The following TMEM245 variants were observed in gnomAD, a reference collection of about 807,000 sequenced individuals.
TMEM245 encodes transmembrane protein 245.
Under a neutral mutation model 101.2 loss-of-function variants are expected in TMEM245, and 69 were observed. The ratio of observed to expected loss-of-function variants is 0.68; its 90% CI spans 0.56 to 0.83. The LOEUF is 0.83. Among genes scored for constraint, TMEM245 ranks in the 40% least tolerant of loss-of-function variants. The pLI, the probability that TMEM245 is intolerant of heterozygous loss-of-function variation, is 0.00. For missense variants in TMEM245, 1,075 were observed against 1,092.8 expected, an observed-to-expected ratio of 0.98 and a Z score of 0.23; for synonymous variants, 537 against 449.8, an observed-to-expected ratio of 1.19 and a Z score of -2.45.
At chr9:109,118,092 A>G (rs953316351) in intron 1 of TMEM245, among the ~76,000 whole-genome samples, 1 of 152,272 alleles carries the variant, frequency 6.6e-6, no homozygotes, top group Non-Finnish European at 1.5e-5. Flanking sequence ...TCTCCATTAG[A>G]ATATGTTCAT....
intron 14 of TMEM245, chr9:109,039,205 G>A (rs1828231100): frequency 6.6e-6 from 1 of 152,152 alleles, no homozygotes; most frequent in Non-Finnish European, 1.5e-5. Flanking sequence ...GGGGCAGAGT[G>A]GCTCCCCAAT....
At chr9:109,036,560 C>T (rs1203697842) in intron 15 of TMEM245, among the ~76,000 whole-genome samples, 180 bp from the exon 16 acceptor site, 1 of 152,122 alleles carries the variant, frequency 6.6e-6, no homozygotes, top group East Asian at 1.9e-4. Context: ...TAAGTAAAGG[C>T]TCAATATCTT....
At chr9:109,055,637 CTTTTTTTT>C (rs377221189) in intron 12 of TMEM245, among the ~76,000 whole-genome samples, 14 of 142,730 alleles carry the variant, frequency 9.8e-5, no homozygotes, top group East Asian at 6.2e-4. Context: ...TTCTTTTTTT[CTTTTTTTT>C]TTTTTTAAGA....
At chr9:109,119,200 A>G in intron 1 of TMEM245, 135 bp downstream of exon 1, 1 of 822,906 alleles carries the variant, frequency 1.2e-6, no homozygotes, top group Non-Finnish European at 1.8e-6. Flanking sequence ...GTGAGAAGGA[A>G]AGCGGAGACG....
At chr9:109,044,718 A>G (rs1164419723) in intron 14 of TMEM245, among the ~76,000 whole-genome samples, 1 of 151,502 alleles carries the variant, frequency 6.6e-6, no homozygotes, top group Admixed American at 6.6e-5. Flanking sequence ...GTAATCAGAT[A>G]GGGGTAATTG....
Position 109,090,215 on chromosome 9 carries a change from C to G in TMEM245, c.1150+707G>C, listed in dbSNP as rs142907435. Among the ~76,000 whole-genome samples, 531 of 151,770 alleles carry G rather than the reference C, an allele frequency of 3.5e-3. 7 individuals are homozygous for G. In the East Asian group the frequency reaches 0.042, roughly 12 times the overall value. On this transcript the variant is annotated intron_variant, in intron 5 of 17. Transcript: ENST00000374586. ...GGCAAAGGCTGCAGTGAGCTGAGATCGCGCCACTGCAATCCAGCCTGGGTG... is the reference window on the plus strand; with the variant it reads ...GGCAAAGGCTGCAGTGAGCTGAGATGGCGCCACTGCAATCCAGCCTGGGTG...
At chr9:109,041,454 T>C (rs867890264) in intron 14 of TMEM245, among the ~76,000 whole-genome samples, 4 of 25,620 alleles carry the variant, frequency 1.6e-4, no homozygotes, top group South Asian at 1.0e-3. Flanking sequence ...ATCCTACAAA[T>C]TTTTTTTTTT....
chr9:109,100,642 T>C (rs192770181), intron 3 of TMEM245, among the ~76,000 whole-genome samples: 183 of 152,272 alleles, frequency 1.2e-3, no homozygotes, highest in African/African-American at 4.3e-3. Context: ...GCATGAGCCA[T>C]TATGCCTGGC....
chr9:109,116,315 G>C (rs547347160), intron 1 of TMEM245, among the ~76,000 whole-genome samples: 185 of 152,352 alleles, frequency 1.2e-3, no homozygotes, highest in African/African-American at 4.3e-3. Flanking sequence ...AAAAGGTCCA[G>C]AGTGGGCCTC....
At chr9:109,031,576 G>C (rs969066429) in intron 17 of TMEM245, among the ~76,000 whole-genome samples, 22 of 152,296 alleles carry the variant, frequency 1.4e-4, no homozygotes, top group Non-Finnish European at 8.8e-5. Context: ...CTAATGAAAA[G>C]TGACTATGGT....
At position 109,057,253 on chromosome 9, in the gene TMEM245, CT is replaced by C; in HGVS notation, c.1791del (p.Asp598ThrfsTer30). On this transcript the variant is annotated frameshift_variant, in exon 12 of 18. Transcript: ENST00000374586. LOFTEE classifies it high-confidence loss of function. ...LHVSRQNSWL[G>X]DILDWQDIVS... ...ACAATATCCTGCCAGTCCAGAATGT[CT>C]CCCAGCCAGCTATTCTGACGACTGA... 6.2e-7 allele frequency: 1 copy of C among 1,614,158 alleles called. No homozygotes were observed. Among genetic ancestry groups the C allele is most frequent in the Non-Finnish European group, 8.5e-7 (1 of 1,179,992 alleles).
At chr9:109,029,623 A>T (rs1042498917) in intron 17 of TMEM245, among the ~76,000 whole-genome samples, 1 of 152,234 alleles carries the variant, frequency 6.6e-6, no homozygotes, top group Non-Finnish European at 1.5e-5. Context: ...CCGAAAATCT[A>T]TAAGAGGATG....
chr9:109,099,997 G>A (rs1311600529), intron 3 of TMEM245, among the ~76,000 whole-genome samples: 1 of 152,154 alleles, frequency 6.6e-6, no homozygotes, highest in Non-Finnish European at 1.5e-5. Context: ...GGCCTTCTCA[G>A]CCTCCAGAAC....
rs751739620 is a variant in TMEM245, at chr9:109,083,901, CAAAAAAAA to C, written c.1344+2088_1344+2095del. On this transcript the variant is annotated intron_variant, in intron 7 of 17. Transcript: ENST00000374586. The stretch of plus-strand genomic sequence containing the variant: ...CAAAACCCCATCTCTACTAAAAATA[CAAAAAAAA>C]AAAAAAAAAAAAAAAAAAAACACCA... 1.5e-3 allele frequency among the ~76,000 whole-genome samples: 52 copies of C among 34,472 alleles called. 1 individual carries two copies. The East Asian group carries it at 0.033, about 22-fold the overall frequency. The allele number at this position is 34,472 out of a possible 152,430, so 22.6% of individuals were successfully genotyped here. A position where few individuals can be genotyped will look rare whatever the true frequency, so the allele number is the denominator to read the frequency against.
intron 3 of TMEM245, among the ~76,000 whole-genome samples, chr9:109,104,469 C>G (rs11787878): frequency 1.4e-4 from 22 of 152,060 alleles, no homozygotes; most frequent in African/African-American, 4.8e-4. Context: ...AATGCTCCCC[C>G]CCGCCCACAA....
chr9:109,029,413 C>G (rs2132295630), intron 17 of TMEM245, among the ~76,000 whole-genome samples: 1 of 152,126 alleles, frequency 6.6e-6, no homozygotes, highest in African/African-American at 2.4e-5. Context: ...GTCAAATTAA[C>G]AAGAATAAAT....
At chr9:109,111,635 A>C (rs1830569839) in intron 1 of TMEM245, among the ~76,000 whole-genome samples, 1 of 152,194 alleles carries the variant, frequency 6.6e-6, no homozygotes, top group Admixed American at 6.5e-5. Flanking sequence ...GACACATATA[A>C]AAATATTCAC....
chr9:109,119,739 C>T lies in TMEM245; in HGVS notation c.175G>A (p.Ala59Thr). ...PIKQAFYNTG[A>T]VLFVCLCCGA... ...CAGCACAGGCACACGAACAGCACGG[C>T]CCCGGTGTTGTAGAAGGCCTGCTTA... Residue 59 changes from alanine (A) to threonine (T), a missense_variant, in exon 1 of 18, where the codon GCC becomes ACC. By Grantham distance (58) the Ala-to-Thr change is moderately conservative. Coordinates refer to ENST00000374586, the MANE Select transcript of TMEM245 (RefSeq NM_032012.4). The T allele has an allele frequency of 6.5e-7, 1 of 1,533,324 alleles. No homozygotes were observed. Among genetic ancestry groups the T allele is most frequent in the Non-Finnish European group, 8.7e-7 (1 of 1,145,868 alleles). The allele number at this position is 1,533,324 out of a possible 1,614,324, so 95.0% of individuals were successfully genotyped here.
At chr9:109,064,319 T>C (rs1465670852) in intron 10 of TMEM245, among the ~76,000 whole-genome samples, 158 bp downstream of exon 10, 2 of 152,202 alleles carry the variant, frequency 1.3e-5, no homozygotes, top group Admixed American at 6.5e-5. Context: ...CTATTCAATG[T>C]GATCTTTCAA....
Sources: gnomAD v4.1 joint callset for allele counts (sites outside exome capture counted in the v4.1 genomes callset) on GRCh38, gnomAD v4.1.1 for gene constraint, MANE v1.5 for transcripts, NCBI Gene and HGNC (gene_info 2026-07-23, HGNC 2026-07-21) for gene names.